The following TENT4A variants were observed in gnomAD, a reference collection of about 807,000 sequenced individuals.
TENT4A encodes terminal nucleotidyltransferase 4A, also known as DNA polymerase kappa.
A neutral mutation model predicts 72.8 loss-of-function variants in TENT4A; 7 were observed. The ratio of observed to expected loss-of-function variants is 0.10; its 90% CI spans 0.05 to 0.18. The LOEUF (loss-of-function observed/expected upper bound fraction) is 0.18. TENT4A is among the 10% of genes least tolerant of loss of function. TENT4A has a pLI of 1.00. For missense variants in TENT4A, 831 were observed against 1,017.7 expected (o/e 0.82, Z 2.50); for synonymous variants, 456 against 434.3 (o/e 1.05, Z -0.62).
At chr5:6,753,060 T>TC in intron 12 of TENT4A, 23 bp downstream of exon 12, 1 of 1,575,544 alleles carries the variant, frequency 6.3e-7, no homozygotes, top group South Asian at 1.2e-5. Flanking sequence ...CCTGGTGCAT[T>TC]CACCTACCTG....
chr5:6,724,737 C>T (rs1260801359), intron 1 of TENT4A, among the ~76,000 whole-genome samples: 1 of 152,234 alleles, frequency 6.6e-6, no homozygotes, highest in Non-Finnish European at 1.5e-5. Flanking sequence ...TTCACAGAGC[C>T]TCCCTTAATA....
chr5:6,739,926 G>A (rs1561038155), intron 4 of TENT4A, 74 bp downstream of exon 4: 14 of 1,433,914 alleles, frequency 9.8e-6, no homozygotes, highest in Admixed American at 1.8e-5. Flanking sequence ...GGATACGCCT[G>A]CGTCACGAGC....
intron 1 of TENT4A, among the ~76,000 whole-genome samples, chr5:6,723,676 G>A (rs1740770360): frequency 6.6e-6 from 1 of 152,228 alleles, no homozygotes; most frequent in African/African-American, 2.4e-5. Context: ...GTTCAAATAT[G>A]TTGGTGCAGG....
Position 6,752,924 on chromosome 5 carries a change from A to AGAAG in TENT4A, c.2073_2074insAGGA (p.Gln692ArgfsTer38). ...CCTAGGGGTTGCTCCTGTTCCTTGCAGACAAGCTGGTGTAGAAGGAACTGC... is the reference window on the plus strand; with the variant it reads ...CCTAGGGGTTGCTCCTGTTCCTTGCAGAAGGACAAGCTGGTGTAGAAGGAACTGC... On this transcript the variant is annotated frameshift_variant, in exon 12 of 13. Coordinates refer to ENST00000230859, the MANE Select transcript of TENT4A (RefSeq NM_006999.6). LOFTEE classifies it high-confidence loss of function. The AGAAG allele has an allele frequency of 6.2e-7, 1 of 1,614,200 alleles. No homozygotes were observed. Among genetic ancestry groups the AGAAG allele is most frequent in the Non-Finnish European group, 8.5e-7 (1 of 1,180,032 alleles).
At chr5:6,739,985 C>T (rs1423469008) in intron 4 of TENT4A, 133 bp downstream of exon 4, 7 of 813,360 alleles carry the variant, frequency 8.6e-6, no homozygotes, top group Non-Finnish European at 1.3e-5. Context: ...GATTAATCTG[C>T]TTCTGGTATA....
rs761702125 is a variant in TENT4A, at chr5:6,746,297, T to A, written c.1329T>A (p.Asn443Lys). 5.0e-6 allele frequency: 8 copies of A among 1,614,022 alleles called. No individual in the cohort carries two copies. Among genetic ancestry groups the A allele is most frequent in the Non-Finnish European group, 8.5e-7 (1 of 1,180,024 alleles). Reference protein sequence around the residue: ...LVEFFELYGRNFNYLKTGIRI... With the variant: ...LVEFFELYGRKFNYLKTGIRI... ...AATTTTTTGAACTCTATGGGAGAAA[T>A]TTTAATTACTTGAAAACCGGTATTA... Residue 443 changes from asparagine (N) to lysine (K), a missense_variant, in exon 7 of 13, where the codon AAT becomes AAA. Asn to Lys is a moderately conservative substitution (Grantham distance 94). Coordinates refer to ENST00000230859, the MANE Select transcript of TENT4A (RefSeq NM_006999.6).
chr5:6,726,645 C>A (rs186136485), intron 1 of TENT4A, among the ~76,000 whole-genome samples: 2 of 152,296 alleles, frequency 1.3e-5, no homozygotes, highest in East Asian at 3.9e-4. Flanking sequence ...CTCCTTGAAT[C>A]TGCCATGTGC....
intron 1 of TENT4A, among the ~76,000 whole-genome samples, chr5:6,727,544 T>C (rs1029527319): frequency 4.6e-5 from 7 of 152,306 alleles, no homozygotes; most frequent in Non-Finnish European, 8.8e-5. Context: ...GGTGCCCTCT[T>C]AGTCCATCCC....
chr5:6,725,943 CATG>C (rs1409655917), intron 1 of TENT4A, among the ~76,000 whole-genome samples: 2 of 152,196 alleles, frequency 1.3e-5, no homozygotes, highest in Non-Finnish European at 1.5e-5. Context: ...GAGCATAAAA[CATG>C]ATGAAAACCT....
chr5:6,720,279 T>G (rs146613864), intron 1 of TENT4A, among the ~76,000 whole-genome samples: 1 of 152,304 alleles, frequency 6.6e-6, no homozygotes, highest in African/African-American at 2.4e-5. Context: ...AGCCACAGGT[T>G]CCAAGGAGTA....
chr5:6,721,799 T>G (rs549915020), intron 1 of TENT4A, among the ~76,000 whole-genome samples: 2 of 152,350 alleles, frequency 1.3e-5, no homozygotes, highest in African/African-American at 4.8e-5. Context: ...GGGCTTGTGA[T>G]CCTTTTCTTT....
intron 1 of TENT4A, among the ~76,000 whole-genome samples, chr5:6,724,666 G>A (rs190054591): frequency 2.9e-4 from 44 of 152,270 alleles, no homozygotes; most frequent in African/African-American, 7.9e-4. Flanking sequence ...TAAAAAGCGC[G>A]TTTTAGGATT....
chr5:6,742,516 G>C lies in TENT4A; in HGVS notation c.1035G>C (p.Gln345His). Residue 345 changes from glutamine to histidine, a missense_variant, in exon 5 of 13, where the codon CAG (glutamine) becomes CAC (histidine). Physicochemically the swap from Gln to His is conservative, Grantham distance 24. Coordinates refer to ENST00000230859, the MANE Select transcript of TENT4A (RefSeq NM_006999.6). ...TACCAATAATAAAGCTCACAGATCA[G>C]GAGACTGAAGTGAAAGTTGACATCA... ...ATVPIIKLTD[Q>H]ETEVKVDISF... 1 of 1,612,548 alleles carries C rather than the reference G, an allele frequency of 6.2e-7. No homozygotes were observed. Among genetic ancestry groups the C allele is most frequent in the Non-Finnish European group, 8.5e-7 (1 of 1,178,542 alleles).
chr5:6,742,486 A>G lies in TENT4A; in HGVS notation c.1009-4A>G, dbSNP rs1184573210. The stretch of plus-strand genomic sequence containing the variant: ...AAGCAGTTTTTAAAATGAAATCTTT[A>G]CAGGTACCAATAATAAAGCTCACAG... On this transcript the variant is annotated splice_polypyrimidine_tract_variant and splice_region_variant and intron_variant, in intron 4 of 12. Transcript: ENST00000230859. 5.7e-6 allele frequency: 9 copies of G among 1,586,340 alleles called. No individual in the cohort carries two copies. The South Asian group carries it at 7.7e-5, about 14-fold the overall frequency.
Position 6,750,872 on chromosome 5 carries a change from TGAAG to T in TENT4A, c.1861-162_1861-159del. 4 of 647,740 alleles carry T rather than the reference TGAAG, an allele frequency of 6.2e-6. No individual in the cohort carries two copies. The South Asian group carries it at 6.7e-5, about 11-fold the overall frequency. 40.1% of individuals were successfully genotyped at this position (647,740 alleles called of 1,614,324 possible). A position where few individuals can be genotyped will look rare whatever the true frequency, so the allele number is the denominator to read the frequency against. ...CTTTTTCAGTTGTGATGAAATTACTTGAAGGAAGCCTGGGTAGGTTTGGGCTGCC... is the reference window on the plus strand; with the variant it reads ...CTTTTTCAGTTGTGATGAAATTACTTGAAGCCTGGGTAGGTTTGGGCTGCC... On this transcript the variant is annotated intron_variant, in intron 10 of 12. Coordinates refer to ENST00000230859, the MANE Select transcript of TENT4A (RefSeq NM_006999.6).
At chr5:6,746,855 C>T (rs1394031335) in intron 7 of TENT4A, among the ~76,000 whole-genome samples, 2 of 152,290 alleles carry the variant, frequency 1.3e-5, no homozygotes, top group South Asian at 2.1e-4. Context: ...AACGCAAACA[C>T]GTTTGTCACT....
chr5:6,713,869 A>C lies in TENT4A; in HGVS notation c.-115A>C, dbSNP rs1207535029. 1 of 190,512 alleles carries C rather than the reference A, an allele frequency of 5.2e-6. No homozygotes were observed. The highest frequency in any genetic ancestry group is 8.8e-6 in the Non-Finnish European group (1 of 113,310). 11.8% of individuals were successfully genotyped at this position (190,512 alleles called of 1,614,324 possible). On this transcript the variant is annotated 5_prime_UTR_variant, in exon 1 of 13. Transcript: ENST00000230859. ...CGCCGCCGCCGCCGCCGCCGCCGCC[A>C]CCGGCCCAGGCCCGTCCGTCCGTCC...
chr5:6,738,404 G>A (rs1335065854), intron 2 of TENT4A, among the ~76,000 whole-genome samples: 1 of 152,236 alleles, frequency 6.6e-6, no homozygotes, highest in African/African-American at 2.4e-5. Flanking sequence ...AGGGTTTGAA[G>A]CTAGCTCTGA....
chr5:6,722,169 G>A (rs773872439), intron 1 of TENT4A, among the ~76,000 whole-genome samples: 10 of 152,192 alleles, frequency 6.6e-5, no homozygotes, highest in Admixed American at 2.6e-4. Context: ...TCTAACTTGA[G>A]CCTCAGTTTC....
Sources: gnomAD v4.1 joint callset for allele counts (sites outside exome capture counted in the v4.1 genomes callset) on GRCh38, gnomAD v4.1.1 for gene constraint, MANE v1.5 for transcripts, NCBI Gene and HGNC (gene_info 2026-07-23, HGNC 2026-07-21) for gene names.